CREB5: variants seen among roughly 807,000 people sequenced by gnomAD.
CREB5 encodes cAMP responsive element binding protein 5, also known as cyclic AMP-responsive element-binding protein 5.
A neutral mutation model predicts 57.1 loss-of-function variants in CREB5; 19 were observed. The observed-to-expected ratio is 0.33, with a 90% CI of 0.23 to 0.49. The LOEUF is 0.49. Among genes scored for constraint, CREB5 ranks in the 20% least tolerant of loss-of-function variants. CREB5 has a pLI of 0.99. For missense variants in CREB5, 579 were observed against 671.6 expected (o/e 0.86, Z 1.52); for synonymous variants, 238 against 238.3 (o/e 1.00, Z 0.01).
chr7:28,722,444 C>G (rs1803088325), intron 6 of CREB5, among the ~76,000 whole-genome samples: 1 of 152,150 alleles, frequency 6.6e-6, no homozygotes, highest in African/African-American at 2.4e-5. Context: ...ATAAAAGTAA[C>G]ATGAATTTTT....
At chr7:28,430,305 T>G (rs372528051) in intron 1 of CREB5, among the ~76,000 whole-genome samples, 26 of 152,194 alleles carry the variant, frequency 1.7e-4, no homozygotes, top group African/African-American at 6.3e-4. Context: ...AGCTGAGCAT[T>G]TACAGTGCTA....
At chr7:28,654,322 G>A (rs973945848) in intron 5 of CREB5, among the ~76,000 whole-genome samples, 12 of 152,196 alleles carry the variant, frequency 7.9e-5, no homozygotes, top group African/African-American at 2.9e-4. Context: ...TCCTAACTGA[G>A]CTGCTTCTGC....
chr7:28,359,767 C>T (rs73086428), intron 1 of CREB5, among the ~76,000 whole-genome samples: 3,542 of 152,074 alleles, frequency 0.023, 66 homozygotes, highest in Middle Eastern at 0.078. Context: ...AGAAAACAAT[C>T]GACAGAGTAA....
chr7:28,473,140 T>A (rs1264675985), intron 1 of CREB5, among the ~76,000 whole-genome samples: 1 of 151,838 alleles, frequency 6.6e-6, no homozygotes, highest in African/African-American at 2.4e-5. Context: ...CTGGGCAACA[T>A]AGTGGGACCC....
chr7:28,691,730 G>A (rs1479926458), intron 5 of CREB5, among the ~76,000 whole-genome samples: 1 of 152,138 alleles, frequency 6.6e-6, no homozygotes, highest in Non-Finnish European at 1.5e-5. Context: ...CTTGAAAGAA[G>A]TATTGTCTCA....
chr7:28,677,902 AAGAGAGAAAGAG>A (rs1397239986), intron 5 of CREB5, among the ~76,000 whole-genome samples: 1 of 151,612 alleles, frequency 6.6e-6, no homozygotes, highest in Non-Finnish European at 1.5e-5. Flanking sequence ...AAATGAAAGA[AAGAGAGAAAGAG>A]AGAGAGAAAG....
intron 7 of CREB5, among the ~76,000 whole-genome samples, chr7:28,758,726 C>T (rs1204024412): frequency 1.3e-5 from 2 of 152,148 alleles, no homozygotes; most frequent in East Asian, 3.8e-4. Context: ...AGAGATTTTA[C>T]TTTAGTTTAT....
At chr7:28,709,957 A>G (rs1802321087) in intron 5 of CREB5, among the ~76,000 whole-genome samples, 1 of 152,246 alleles carries the variant, frequency 6.6e-6, no homozygotes, top group Non-Finnish European at 1.5e-5. Context: ...ATTCTAAAGT[A>G]CGACCTTATT....
chr7:28,560,948 G>GCA, intron 4 of CREB5, among the ~76,000 whole-genome samples: 3 of 40,100 alleles, frequency 7.5e-5, no homozygotes, highest in African/African-American at 3.5e-4. Context: ...GTGCGTGTGT[G>GCA]TGCGTGTGTG....
intron 5 of CREB5, among the ~76,000 whole-genome samples, chr7:28,611,717 A>C (rs1160525003): frequency 1.4e-5 from 2 of 139,698 alleles, no homozygotes; most frequent in Non-Finnish European, 3.1e-5. Flanking sequence ...AATAAATAAA[A>C]TATATATGTG....
chr7:28,686,039 G>A (rs1341322958), intron 5 of CREB5: 1 of 1,221,414 alleles, frequency 8.2e-7, no homozygotes, highest in Admixed American at 2.2e-5. Flanking sequence ...CGCAAAAGAA[G>A]GGCCAGCACA....
chr7:28,762,445 A>T (rs920590487), intron 7 of CREB5, among the ~76,000 whole-genome samples: 12 of 152,208 alleles, frequency 7.9e-5, no homozygotes, highest in African/African-American at 2.4e-4. Flanking sequence ...AATGTTGACA[A>T]GGACTTAAAA....
chr7:28,668,821 AGAGTG>A (rs1799925541), intron 5 of CREB5, among the ~76,000 whole-genome samples: 1 of 152,172 alleles, frequency 6.6e-6, no homozygotes, highest in African/African-American at 2.4e-5. Context: ...CCGGTGAGTG[AGAGTG>A]TGAAGTTTCA....
intron 5 of CREB5, among the ~76,000 whole-genome samples, chr7:28,702,572 T>C (rs1801916014): frequency 6.6e-6 from 1 of 152,232 alleles, no homozygotes; most frequent in African/African-American, 2.4e-5. Flanking sequence ...GACGGAGCAG[T>C]GTCCTCCAGA....
At chr7:28,501,418 C>A (rs1792267788) in intron 3 of CREB5, among the ~76,000 whole-genome samples, 1 of 152,152 alleles carries the variant, frequency 6.6e-6, no homozygotes, top group South Asian at 2.1e-4. Context: ...TTGTCCGTTT[C>A]TCGTCCGTAT....
chr7:28,487,896 C>T (rs1168945537), intron 1 of CREB5, among the ~76,000 whole-genome samples: 1 of 152,174 alleles, frequency 6.6e-6, no homozygotes, highest in Non-Finnish European at 1.5e-5. Flanking sequence ...TGGTTTTCCA[C>T]AGGGAGGATT....
At chr7:28,603,527 A>G (rs1370672000) in intron 5 of CREB5, among the ~76,000 whole-genome samples, 1 of 152,190 alleles carries the variant, frequency 6.6e-6, no homozygotes, top group Non-Finnish European at 1.5e-5. Context: ...TGCAGAACAA[A>G]GAGGTGAATA....
At chr7:28,683,583 G>A (rs1800705511) in intron 5 of CREB5, among the ~76,000 whole-genome samples, 1 of 152,032 alleles carries the variant, frequency 6.6e-6, no homozygotes, top group Non-Finnish European at 1.5e-5. Context: ...ACCCATTGGC[G>A]ATGTCACTCC....
rs957027543 is a variant in CREB5 at position 28,669,924 on chromosome 7, G to A, written c.465-48829G>A. 2.6e-5 allele frequency among the ~76,000 whole-genome samples: 4 copies of A among 152,302 alleles called. No individual in the cohort carries two copies. The South Asian group carries it at 6.2e-4, about 24-fold the overall frequency. On this transcript the variant is annotated intron_variant, in intron 5 of 10. Coordinates refer to ENST00000357727, the MANE Select transcript of CREB5 (RefSeq NM_182898.4). ...ACCAGGCACAACAAGGGGAGCCCCC[G>A]CTACCTTGGGCTTCTCTTCTTGCTT...
Sources: gnomAD v4.1 joint callset for allele counts (sites outside exome capture counted in the v4.1 genomes callset) on GRCh38, gnomAD v4.1.1 for gene constraint, MANE v1.5 for transcripts, NCBI Gene and HGNC (gene_info 2026-07-23, HGNC 2026-07-21) for gene names.